The following ROBO2 variants were observed in gnomAD, a reference collection of about 807,000 sequenced individuals.
ROBO2 encodes roundabout guidance receptor 2.
In ROBO2, 53 loss-of-function variants were observed where a neutral mutation model predicts 160.8. The observed-to-expected ratio is 0.33, with a 90% CI of 0.26 to 0.41. ROBO2 has a LOEUF of 0.41. Among genes scored for constraint, ROBO2 ranks in the 10% least tolerant of loss-of-function variants. The probability of loss-of-function intolerance (pLI) is 1.00; values close to 1 mark genes in which losing one functional copy is unlikely to be tolerated. For missense variants in ROBO2, 1,577 were observed against 1,722.4 expected, an observed-to-expected ratio of 0.92 and a Z score of 1.49; for synonymous variants, 664 against 611.7, an observed-to-expected ratio of 1.09 and a Z score of -1.26.
Position 76,236,277 on chromosome 3 carries a change from C to T in ROBO2, c.109+298675C>T, listed in dbSNP as rs927843484. On this transcript the variant is annotated intron_variant, in intron 2 of 26. Coordinates refer to the ROBO2 transcript ENST00000487694. ...ATTATTACAAAGCATGTTTTTAATCCTTATATCTTTTGTGTTTAAAAATAC... is the reference window on the plus strand; with the variant it reads ...ATTATTACAAAGCATGTTTTTAATCTTTATATCTTTTGTGTTTAAAAATAC... 7.9e-5 allele frequency among the ~76,000 whole-genome samples: 12 copies of T among 151,798 alleles called. 1 individual carries two copies. The highest frequency in any genetic ancestry group is 6.6e-4 in the Admixed American group (10 of 15,228).
intron 2 of ROBO2, among the ~76,000 whole-genome samples, chr3:77,149,015 A>G (rs1437971545): frequency 6.6e-6 from 1 of 151,208 alleles, no homozygotes; most frequent in Non-Finnish European, 1.5e-5. Flanking sequence ...CATTAATTGA[A>G]AGCTTGGAGA....
At chr3:76,673,933 A>G (rs1161877145) in intron 2 of ROBO2, among the ~76,000 whole-genome samples, 1 of 152,168 alleles carries the variant, frequency 6.6e-6, no homozygotes, top group East Asian at 1.9e-4. Flanking sequence ...TCTATGTAAT[A>G]GAATAGAATG....
chr3:77,604,779 C>A (rs1217016919), intron 20 of ROBO2, among the ~76,000 whole-genome samples: 1 of 152,026 alleles, frequency 6.6e-6, no homozygotes, highest in Non-Finnish European at 1.5e-5. Flanking sequence ...GATAACTAAT[C>A]ATATGGTATT....
chr3:76,210,569 CTTCT>C (rs1418544824), intron 2 of ROBO2, among the ~76,000 whole-genome samples: 10 of 152,024 alleles, frequency 6.6e-5, no homozygotes, highest in Non-Finnish European at 1.2e-4. Context: ...TGATTAAGAG[CTTCT>C]TTCTATGTGC....
chr3:77,261,768 A>AT (rs10710219), intron 2 of ROBO2, among the ~76,000 whole-genome samples: 7,446 of 135,592 alleles, frequency 0.055, 351 homozygotes, highest in African/African-American at 0.12. Context: ...TTCTGATTTC[A>AT]TTTTTTTTTT....
intron 2 of ROBO2, among the ~76,000 whole-genome samples, chr3:76,301,941 C>A (rs1296728514): frequency 6.6e-6 from 1 of 152,000 alleles, no homozygotes; most frequent in East Asian, 1.9e-4. Context: ...ATGCAGAGAA[C>A]CTTTTAGATG....
intron 2 of ROBO2, among the ~76,000 whole-genome samples, chr3:76,300,316 A>C (rs1176610583): frequency 6.6e-6 from 1 of 151,768 alleles, no homozygotes; most frequent in Admixed American, 6.6e-5. Context: ...TCTCACCAAC[A>C]TTAAATAGGT....
chr3:76,539,512 T>C (rs989640915), intron 2 of ROBO2, among the ~76,000 whole-genome samples: 3 of 152,168 alleles, frequency 2.0e-5, no homozygotes, highest in African/African-American at 7.2e-5. Flanking sequence ...CGAGTTGTAT[T>C]ATCCATCCTG....
intron 2 of ROBO2, among the ~76,000 whole-genome samples, chr3:76,753,439 A>G (rs1404977977): frequency 6.6e-6 from 1 of 151,890 alleles, no homozygotes; most frequent in Non-Finnish European, 1.5e-5. Flanking sequence ...ATAAAATTAT[A>G]CTTTTATTTC....
chr3:76,892,824 C>T (rs1458439694), intron 2 of ROBO2, among the ~76,000 whole-genome samples: 1 of 152,182 alleles, frequency 6.6e-6, no homozygotes, highest in East Asian at 1.9e-4. Context: ...GAAGATTTCA[C>T]ACCTTCTCTA....
chr3:75,915,177 G>A (rs1481058019), intron 1 of ROBO2, among the ~76,000 whole-genome samples: 6 of 152,168 alleles, frequency 3.9e-5, no homozygotes, highest in African/African-American at 1.4e-4. Flanking sequence ...CACAAAACCA[G>A]TGAATGTTTG....
At chr3:77,381,442 G>C (rs2073453985) in intron 2 of ROBO2, among the ~76,000 whole-genome samples, 1 of 152,138 alleles carries the variant, frequency 6.6e-6, no homozygotes, top group Admixed American at 6.6e-5. Flanking sequence ...CCAGTCTCTT[G>C]AGCCTAGCTT....
At chr3:77,174,284 C>T (rs946624641) in intron 2 of ROBO2, among the ~76,000 whole-genome samples, 4 of 151,808 alleles carry the variant, frequency 2.6e-5, no homozygotes, top group African/African-American at 9.7e-5. Context: ...ATTAACATTG[C>T]CTGAAGCACA....
chr3:77,487,534 G>A (rs899216305), intron 4 of ROBO2, among the ~76,000 whole-genome samples: 4 of 152,178 alleles, frequency 2.6e-5, no homozygotes, highest in African/African-American at 7.2e-5. Flanking sequence ...CATTCAGACA[G>A]CCTGATCATT....
intron 2 of ROBO2, among the ~76,000 whole-genome samples, chr3:76,344,524 T>G (rs1439806491): frequency 6.6e-6 from 1 of 152,138 alleles, no homozygotes; most frequent in Non-Finnish European, 1.5e-5. Context: ...ACTCCAAAAC[T>G]CAGAAGTCGG....
chr3:77,176,885 C>G (rs1386817572), intron 2 of ROBO2, among the ~76,000 whole-genome samples: 1 of 151,582 alleles, frequency 6.6e-6, no homozygotes, highest in African/African-American at 2.4e-5. Context: ...AGCCAGGAAA[C>G]AAAAATATAA....
intron 2 of ROBO2, among the ~76,000 whole-genome samples, chr3:76,675,993 G>A (rs1185598253): frequency 9.2e-5 from 14 of 151,898 alleles, no homozygotes; most frequent in Admixed American, 3.3e-4. Flanking sequence ...AAGTGGATAC[G>A]GTGAATTTAT....
At chr3:75,948,966 G>T (rs1387784723) in intron 2 of ROBO2, among the ~76,000 whole-genome samples, 4 of 152,032 alleles carry the variant, frequency 2.6e-5, no homozygotes, top group Non-Finnish European at 5.9e-5. Flanking sequence ...TTATTGAAAT[G>T]ATTACTGTTT....
chr3:77,615,928 T>A (rs553593415), intron 21 of ROBO2, among the ~76,000 whole-genome samples: 1 of 152,350 alleles, frequency 6.6e-6, no homozygotes, highest in South Asian at 2.1e-4. Flanking sequence ...ACTAGAGATG[T>A]ACATTTCTGA....
Sources: gnomAD v4.1 joint callset for allele counts (sites outside exome capture counted in the v4.1 genomes callset) on GRCh38, gnomAD v4.1.1 for gene constraint, MANE v1.5 for transcripts, NCBI Gene and HGNC (gene_info 2026-07-23, HGNC 2026-07-21) for gene names.